Variants in GADL1 observed in about 807,000 individuals in gnomAD.
GADL1 encodes the protein acidic amino acid decarboxylase GADL1.
GADL1 carries 71 observed loss-of-function variants against 69.5 expected under a neutral mutation model. The ratio of observed to expected loss-of-function variants is 1.02; its 90% CI spans 0.84 to 1.25. GADL1 has a LOEUF of 1.25. Ranked by LOEUF, GADL1 falls within the 50% of genes most tolerant of loss-of-function variation. The pLI is 0.00. For missense variants in GADL1, 737 were observed against 631.8 expected (o/e 1.17, Z -1.79); for synonymous variants, 254 against 214.4 (o/e 1.18, Z -1.62).
chr3:30,889,715 C>T (rs906949406), intron 1 of GADL1, among the ~76,000 whole-genome samples: 3 of 151,980 alleles, frequency 2.0e-5, no homozygotes, highest in Non-Finnish European at 2.9e-5. Flanking sequence ...TTGGAAACTA[C>T]TGAAATGTTC....
intron 13 of GADL1, 73 bp from the exon 14 acceptor site, chr3:30,778,341 T>C (rs1575200636): frequency 2.3e-6 from 2 of 857,814 alleles, no homozygotes; most frequent in Middle Eastern, 3.0e-4. Context: ...CTTTTAAAAC[T>C]CTTAGCTAGT....
chr3:30,825,908 T>C (rs779323847), intron 11 of GADL1, among the ~76,000 whole-genome samples: 48 of 151,978 alleles, frequency 3.2e-4, no homozygotes, highest in Admixed American at 5.9e-4. Flanking sequence ...TCTGCATGCT[T>C]AGCACATGTA....
At position 30,782,679 on chromosome 3, in the gene GADL1, CTG is replaced by C. The variant is rs565227999; in HGVS notation, c.1302+3674_1302+3675del. Among the ~76,000 whole-genome samples the C allele has an allele frequency of 1.7e-3, 257 of 152,168 alleles. No homozygotes were observed. In the South Asian group the frequency reaches 0.02, roughly 12 times the overall value. ...TGAATGTGAAGACATTTCAGGGAGACTGTGGCCAAAGACAAAGTGTTAGAAGA... is the reference window on the plus strand; with the variant it reads ...TGAATGTGAAGACATTTCAGGGAGACTGGCCAAAGACAAAGTGTTAGAAGA... On this transcript the variant is annotated intron_variant, in intron 13 of 14. Coordinates refer to ENST00000282538, the MANE Select transcript of GADL1 (RefSeq NM_207359.3).
At chr3:30,805,030 A>G (rs1345277690) in intron 11 of GADL1, among the ~76,000 whole-genome samples, 1 of 152,204 alleles carries the variant, frequency 6.6e-6, no homozygotes, top group Non-Finnish European at 1.5e-5. Context: ...AAGCACAGAA[A>G]CCACAACTTT....
intron 1 of GADL1, among the ~76,000 whole-genome samples, chr3:30,882,645 CTT>C (rs1698658309): frequency 6.6e-6 from 1 of 151,922 alleles, no homozygotes; most frequent in African/African-American, 2.4e-5. Flanking sequence ...GCAAATATCT[CTT>C]TACCCTGTTT....
chr3:30,750,086 C>G (rs572938464), intron 14 of GADL1, among the ~76,000 whole-genome samples: 1 of 152,138 alleles, frequency 6.6e-6, no homozygotes, highest in Admixed American at 6.6e-5. Context: ...GTGACTCCTC[C>G]TCCTCTTTCT....
intron 14 of GADL1, among the ~76,000 whole-genome samples, chr3:30,764,221 CTT>C (rs903087982): frequency 3.1e-4 from 47 of 151,664 alleles, no homozygotes; most frequent in African/African-American, 9.9e-4. Context: ...GAAAAATTCT[CTT>C]AAGAGATTTT....
chr3:30,864,983 C>A (rs1311685193), intron 1 of GADL1, among the ~76,000 whole-genome samples: 1 of 151,998 alleles, frequency 6.6e-6, no homozygotes, highest in Admixed American at 6.6e-5. Flanking sequence ...ATGACTCCTG[C>A]TTAAAGCATT....
chr3:30,760,348 C>T (rs1478968372), intron 14 of GADL1, among the ~76,000 whole-genome samples: 1 of 152,148 alleles, frequency 6.6e-6, no homozygotes, highest in East Asian at 1.9e-4. Context: ...TGCTTCTCTT[C>T]ATTAAGCTTT....
At chr3:30,780,091 A>T (rs916642978) in intron 13 of GADL1, among the ~76,000 whole-genome samples, 6 of 152,142 alleles carry the variant, frequency 3.9e-5, no homozygotes, top group Admixed American at 3.3e-4. Context: ...GCAAGTGGAG[A>T]GCCCATAAAT....
At chr3:30,761,397 C>G (rs979947527) in intron 14 of GADL1, among the ~76,000 whole-genome samples, 1 of 151,994 alleles carries the variant, frequency 6.6e-6, no homozygotes, top group Non-Finnish European at 1.5e-5. Flanking sequence ...AACAAGTAGC[C>G]AAGTCTTCTT....
chr3:30,760,636 A>G (rs1390034437), intron 14 of GADL1, among the ~76,000 whole-genome samples: 1 of 152,218 alleles, frequency 6.6e-6, no homozygotes, highest in East Asian at 1.9e-4. Context: ...ATTACTACGT[A>G]TCTTAAGTGC....
At chr3:30,856,365 A>AC (rs1698230903) in intron 3 of GADL1, among the ~76,000 whole-genome samples, 1 of 152,120 alleles carries the variant, frequency 6.6e-6, no homozygotes. Context: ...GTAAGCTAGA[A>AC]TGGTGCCTCA....
chr3:30,783,871 A>G (rs997387268), intron 13 of GADL1, among the ~76,000 whole-genome samples: 3 of 152,164 alleles, frequency 2.0e-5, no homozygotes, highest in Non-Finnish European at 4.4e-5. Flanking sequence ...CTTTTCTAAG[A>G]CTTTAGGAAG....
intron 14 of GADL1, among the ~76,000 whole-genome samples, chr3:30,760,539 G>A (rs1257273135): frequency 6.6e-6 from 1 of 152,028 alleles, no homozygotes; most frequent in Non-Finnish European, 1.5e-5. Flanking sequence ...ATTTCCTTCT[G>A]TTTCCTCTTT....
intron 14 of GADL1, among the ~76,000 whole-genome samples, chr3:30,768,249 A>T (rs367776957): frequency 2.0e-5 from 3 of 152,326 alleles, no homozygotes; most frequent in East Asian, 3.9e-4. Flanking sequence ...GATGTGAGCA[A>T]AAGATGTTCA....
At chr3:30,863,925 C>A (rs1304032825) in intron 1 of GADL1, among the ~76,000 whole-genome samples, 1 of 151,988 alleles carries the variant, frequency 6.6e-6, no homozygotes, top group Non-Finnish European at 1.5e-5. Flanking sequence ...ACAGGAAGAT[C>A]CCCCAGTTGG....
chr3:30,841,910 A>G (rs916949771), intron 8 of GADL1, among the ~76,000 whole-genome samples: 11 of 152,206 alleles, frequency 7.2e-5, no homozygotes, highest in African/African-American at 2.4e-4. Flanking sequence ...GAGTCTCAAG[A>G]TCTAACTGCC....
intron 14 of GADL1, among the ~76,000 whole-genome samples, chr3:30,729,909 T>C (rs1303909675): frequency 2.6e-5 from 4 of 152,114 alleles, no homozygotes; most frequent in Non-Finnish European, 5.9e-5. Flanking sequence ...AGCAAAAAAC[T>C]GGAAGTTTCT....
Sources: allele counts gnomAD v4.1 joint callset (sites outside exome capture counted in the v4.1 genomes callset), GRCh38; gene constraint gnomAD v4.1.1; transcripts MANE v1.5; gene names NCBI Gene and HGNC (gene_info 2026-07-23, HGNC 2026-07-21).